Variants in CEP192 observed in about 807,000 individuals in gnomAD.
CEP192 encodes centrosomal protein of 192 kDa.
A neutral mutation model predicts 271.8 loss-of-function variants in CEP192; 151 were observed. The observed-to-expected ratio is 0.56, with a 90% CI of 0.49 to 0.64. The LOEUF (loss-of-function observed/expected upper bound fraction) is 0.64. Among genes scored for constraint, CEP192 ranks in the 30% least tolerant of loss-of-function variants. CEP192 has a pLI of 0.00. For missense variants in CEP192, 2,910 were observed against 3,020.5 expected (o/e 0.96, Z 0.86); for synonymous variants, 995 against 1,076.5 (o/e 0.92, Z 1.48).
At chr18:13,117,356 T>G (rs1286940672) in intron 43 of CEP192, among the ~76,000 whole-genome samples, 2 of 152,258 alleles carry the variant, frequency 1.3e-5, no homozygotes, top group African/African-American at 4.8e-5. Flanking sequence ...TGTACTATTA[T>G]ACACACATAT....
chr18:13,119,603 A>G (rs1001723967), intron 44 of CEP192, among the ~76,000 whole-genome samples: 6 of 152,142 alleles, frequency 3.9e-5, no homozygotes, highest in Non-Finnish European at 5.9e-5. Flanking sequence ...TTAGCCACGC[A>G]TGGTGGCAGG....
At chr18:13,040,986 A>C (rs754706038) in intron 14 of CEP192, 30 bp downstream of exon 14, 1 of 1,579,510 alleles carries the variant, frequency 6.3e-7, no homozygotes, top group African/African-American at 1.4e-5. Context: ...GGCTTTTAGG[A>C]ATCTTTTTTT....
rs1383258904 is a variant in CEP192, at chr18:13,052,978, A to G, written c.3077A>G (p.Glu1026Gly). 1.2e-6 allele frequency: 2 copies of G among 1,613,646 alleles called. No individual in the cohort carries two copies. The highest frequency in any genetic ancestry group is 2.2e-5 in the East Asian group (1 of 44,872). ...AQQQQPPCEQELSPLVCSPAG... is the reference protein window; with the variant it reads ...AQQQQPPCEQGLSPLVCSPAG... The stretch of plus-strand genomic sequence containing the variant: ...CAGCAGCAGCCTCCCTGTGAGCAGG[A>G]GTTGTCTCCCTTGGTGTGCTCGCCT... Residue 1026 changes from glutamate to glycine, a missense_variant, in exon 18 of 45, where the codon GAG (glutamate) becomes GGG (glycine). Transcript: ENST00000506447.
intron 44 of CEP192, among the ~76,000 whole-genome samples, chr18:13,117,849 G>A (rs1363251781): frequency 1.3e-5 from 2 of 152,160 alleles, no homozygotes; most frequent in African/African-American, 2.4e-5. Flanking sequence ...TGCACTCAGC[G>A]GTGCCACAGT....
At chr18:13,059,340 A>G in intron 21 of CEP192, 28 bp downstream of exon 21, 4 of 1,562,816 alleles carry the variant, frequency 2.6e-6, no homozygotes, top group Non-Finnish European at 2.6e-6. Flanking sequence ...AATCTTTGTC[A>G]TACCTGGCAT....
intron 11 of CEP192, among the ~76,000 whole-genome samples, chr18:13,034,828 A>G (rs2035830725): frequency 6.6e-6 from 1 of 150,864 alleles, no homozygotes; most frequent in Non-Finnish European, 1.5e-5. Flanking sequence ...CATAAAAAAA[A>G]AAAAAAAAAA....
At chr18:13,106,585 T>TACC (rs1044620855) in intron 40 of CEP192, among the ~76,000 whole-genome samples, 10 of 128,378 alleles carry the variant, frequency 7.8e-5, no homozygotes, top group African/African-American at 2.8e-4. Flanking sequence ...CCCACACAGC[T>TACC]ACCACCACCA....
rs978411199 is a variant in CEP192, at chr18:13,101,083, C to T, written c.6871+571C>T. ...AATCGTATTTTGATTTTTGACCTTGCCCTGGGTAGCGAGCGACACAGGGTG... is the reference window on the plus strand; with the variant it reads ...AATCGTATTTTGATTTTTGACCTTGTCCTGGGTAGCGAGCGACACAGGGTG... On this transcript the variant is annotated intron_variant, in intron 38 of 44. Coordinates refer to ENST00000506447, the MANE Select transcript of CEP192 (RefSeq NM_032142.4). 1.3e-5 allele frequency among the ~76,000 whole-genome samples: 2 copies of T among 152,180 alleles called. 1 individual carries two copies. The highest frequency in any genetic ancestry group is 4.1e-4 in the South Asian group (2 of 4,830).
Position 13,019,201 on chromosome 18 carries a change from A to C in CEP192, c.1045A>C (p.Asn349His). The C allele has an allele frequency of 6.6e-7, 1 of 1,524,154 alleles. No homozygotes were observed. The highest frequency in any genetic ancestry group is 1.4e-5 in the African/African-American group (1 of 71,252). The allele number at this position is 1,524,154 out of a possible 1,614,324, so 94.4% of individuals were successfully genotyped here. The change falls in exon 9 of 45, where the codon AAC (asparagine) becomes CAC (histidine). Residue 349 changes from asparagine (N) to histidine (H), a missense_variant. Transcript: ENST00000506447. ...TTTGAAGGGTATTGTTCCAGATCTT[A>C]ACAGTGTAAGTTATGCATTTTTCTT... ...ENLKGIVPDLNSECASKDVLV... is the reference protein window; with the variant it reads ...ENLKGIVPDLHSECASKDVLV...
At chr18:13,021,750 T>G (rs1301870109) in intron 9 of CEP192, among the ~76,000 whole-genome samples, 1 of 152,220 alleles carries the variant, frequency 6.6e-6, no homozygotes, top group Non-Finnish European at 1.5e-5. Flanking sequence ...ACACAGGATG[T>G]GTGTCCGTTT....
chr18:13,043,137 C>T (rs1405332133), intron 15 of CEP192, among the ~76,000 whole-genome samples: 2 of 152,234 alleles, frequency 1.3e-5, no homozygotes, highest in Non-Finnish European at 2.9e-5. Context: ...TCCCTGATTA[C>T]TAATAAAGCT....
chr18:13,087,590 A>G lies in CEP192; in HGVS notation c.5937A>G (p.Glu1979=), dbSNP rs1598564062. 2.5e-6 allele frequency: 4 copies of G among 1,588,162 alleles called. No individual in the cohort carries two copies. The highest frequency in any genetic ancestry group is 2.3e-5 in the South Asian group (2 of 86,620). The change falls in exon 32 of 45, where the codon GAA becomes GAG. Residue 1979 remains glutamate, a synonymous_variant. Coordinates refer to ENST00000506447, the MANE Select transcript of CEP192 (RefSeq NM_032142.4). The part of the protein sequence containing the change: ...DRGINNKTAT[E]LSTVYLFGGD... Reference sequence around the variant, plus strand: ...GAATCAATAATAAAACTGCAACAGAACTATCAACTGTATACTTATTTGGTG... The same window carrying G: ...GAATCAATAATAAAACTGCAACAGAGCTATCAACTGTATACTTATTTGGTG...
chr18:13,027,538 G>C (rs1363663419), intron 9 of CEP192, among the ~76,000 whole-genome samples: 1 of 152,090 alleles, frequency 6.6e-6, no homozygotes, highest in African/African-American at 2.4e-5. Flanking sequence ...TGGTATGTTA[G>C]GATGCTCTGT....
At chr18:13,053,715 G>A (rs569233037) in intron 18 of CEP192, among the ~76,000 whole-genome samples, 4 of 152,150 alleles carry the variant, frequency 2.6e-5, no homozygotes, top group South Asian at 2.1e-4. Flanking sequence ...TTTTAGAGAC[G>A]ATCTCGCTCT....
At chr18:13,025,671 A>G (rs2035253900) in intron 9 of CEP192, among the ~76,000 whole-genome samples, 1 of 152,224 alleles carries the variant, frequency 6.6e-6, no homozygotes, top group African/African-American at 2.4e-5. Context: ...AGATAACATT[A>G]CACTGCTTAA....
Position 13,052,930 on chromosome 18 carries a change from A to C in CEP192, c.3029A>C (p.Glu1010Ala), listed in dbSNP as rs755675771. 6.2e-7 allele frequency: 1 copy of C among 1,605,834 alleles called. No homozygotes were observed. The highest frequency in any genetic ancestry group is 8.5e-7 in the Non-Finnish European group (1 of 1,175,408). ...CTCTTCTCTTTCAGGTGTGCGTTAG[A>C]GTCCTTTGGTTCAGCAGCTCAGCAG... ...SGTSSSGCAL[E>A]SFGSAAQQQQ... Residue 1010 changes from glutamate to alanine, a missense_variant, in exon 18 of 45, where the codon GAG becomes GCG. Transcript: ENST00000506447.
intron 10 of CEP192, 99 bp from the exon 11 acceptor site, chr18:13,030,366 T>C (rs2035547423): frequency 9.5e-7 from 1 of 1,049,218 alleles, no homozygotes; most frequent in African/African-American, 1.6e-5. Flanking sequence ...GTACTGTTGA[T>C]AACTAAGGTA....
chr18:13,099,168 TGGGGAGAGGGAGGGGGAGGGGGAG>T (rs1157928048), intron 36 of CEP192, among the ~76,000 whole-genome samples: 2 of 14,302 alleles, frequency 1.4e-4, no homozygotes, highest in East Asian at 2.0e-3. Flanking sequence ...AGGGAGACCA[TGGGGAGAGGGAGGGGGAGGGGGAG>T]GGGGAGAGGG....
At chr18:13,122,487 A>G (rs1383157973) in intron 44 of CEP192, among the ~76,000 whole-genome samples, 1 of 152,228 alleles carries the variant, frequency 6.6e-6, no homozygotes, top group Non-Finnish European at 1.5e-5. Context: ...AGGTTGAGGC[A>G]GGAGAATGGC....
Sources: gnomAD v4.1 joint callset for allele counts (sites outside exome capture counted in the v4.1 genomes callset) on GRCh38, gnomAD v4.1.1 for gene constraint, MANE v1.5 for transcripts, NCBI Gene and HGNC (gene_info 2026-07-23, HGNC 2026-07-21) for gene names.